The following RASAL2 variants were observed in gnomAD, a reference collection of about 807,000 sequenced individuals.
The protein encoded by RASAL2 is ras GTPase-activating protein nGAP.
RASAL2 carries 58 observed loss-of-function variants against 128.9 expected under a neutral mutation model. The observed-to-expected ratio is 0.45, with a 90% CI of 0.36 to 0.56. RASAL2 has a LOEUF of 0.56. RASAL2 is among the 20% of genes least tolerant of loss of function. The pLI is 0.00. For synonymous variants in RASAL2, 561 were observed against 580.8 expected, an observed-to-expected ratio of 0.97 and a Z score of 0.49; for missense variants, 1,360 against 1,601.6, an observed-to-expected ratio of 0.85 and a Z score of 2.57.
intron 4 of RASAL2, chr1:178,411,895 A>C: frequency 1.4e-6 from 1 of 696,530 alleles, no homozygotes; most frequent in South Asian, 1.6e-5. Flanking sequence ...ACCTGGGGCC[A>C]GTCGGCCTTC....
At chr1:178,184,931 T>C (rs906817262) in intron 1 of RASAL2, among the ~76,000 whole-genome samples, 12 of 152,076 alleles carry the variant, frequency 7.9e-5, no homozygotes, top group Admixed American at 5.9e-4. Context: ...AATTGAGTCT[T>C]CCAATCCATG....
chr1:178,352,736 C>T (rs978687509), intron 3 of RASAL2, among the ~76,000 whole-genome samples: 5 of 152,258 alleles, frequency 3.3e-5, no homozygotes, highest in African/African-American at 1.2e-4. Flanking sequence ...TCTGTCTGGA[C>T]ATCCAGGCTT....
At chr1:178,175,838 T>G (rs11800119) in intron 1 of RASAL2, among the ~76,000 whole-genome samples, 36,679 of 152,002 alleles carry the variant, frequency 0.24, 5,292 homozygotes, top group African/African-American at 0.41. Flanking sequence ...TTAAAATAAT[T>G]TTCTCCAGTT....
intron 1 of RASAL2, among the ~76,000 whole-genome samples, chr1:178,131,250 A>G (rs1183237625): frequency 1.3e-5 from 2 of 151,938 alleles, no homozygotes; most frequent in African/African-American, 4.8e-5. Flanking sequence ...TCTGTGGCCC[A>G]GACTGGACTG....
In RASAL2 at chr1:178,371,335, CACACACACACACACACAAAT is replaced by C. The variant is rs1265172506; in HGVS notation, c.458-18747_458-18728del. Among the ~76,000 whole-genome samples the C allele has an allele frequency of 5.0e-5, 7 of 140,210 alleles. No individual in the cohort carries two copies. In the South Asian group the frequency reaches 1.4e-3, roughly 27 times the overall value. 92.0% of individuals were successfully genotyped at this position (140,210 alleles called of 152,430 possible). On this transcript the variant is annotated intron_variant, in intron 3 of 17. Coordinates refer to ENST00000367649, the MANE Select transcript of RASAL2 (RefSeq NM_170692.4). ...CAGCCTTCTTTCCCACACACACACACACACACACACACACACAAATACACACACACACACACACACACTTC... is the reference window on the plus strand; with the variant it reads ...CAGCCTTCTTTCCCACACACACACACACACACACACACACACACACACTTC...
At chr1:178,372,002 T>C (rs1273351682) in intron 3 of RASAL2, among the ~76,000 whole-genome samples, 1 of 152,160 alleles carries the variant, frequency 6.6e-6, no homozygotes, top group Non-Finnish European at 1.5e-5. Context: ...ATCTCCCTTC[T>C]CTTCTCTTAT....
chr1:178,252,716 G>A (rs926213753), intron 1 of RASAL2, among the ~76,000 whole-genome samples: 2 of 152,122 alleles, frequency 1.3e-5, no homozygotes, highest in African/African-American at 4.8e-5. Flanking sequence ...AGTTAGAAAA[G>A]GGTCTGATGC....
chr1:178,337,888 C>T (rs754818167), intron 3 of RASAL2, among the ~76,000 whole-genome samples: 18 of 151,950 alleles, frequency 1.2e-4, no homozygotes, highest in Non-Finnish European at 1.6e-4. Context: ...CCTGCCACCA[C>T]GCCTGGCTAA....
intron 3 of RASAL2, among the ~76,000 whole-genome samples, chr1:178,365,121 A>G (rs747934259): frequency 8.6e-5 from 13 of 151,808 alleles, no homozygotes; most frequent in African/African-American, 3.2e-4. Flanking sequence ...AGCAACTTCT[A>G]TGTATATATT....
intron 3 of RASAL2, among the ~76,000 whole-genome samples, chr1:178,305,439 A>G (rs889848363): frequency 1.3e-5 from 2 of 152,216 alleles, no homozygotes; most frequent in Admixed American, 1.3e-4. Context: ...CGGCACAGGC[A>G]GAAAAACAGA....
intron 1 of RASAL2, among the ~76,000 whole-genome samples, chr1:178,260,656 A>G (rs1224301046): frequency 6.6e-6 from 1 of 151,738 alleles, no homozygotes; most frequent in East Asian, 1.9e-4. Flanking sequence ...CAAACTCTAT[A>G]TCCTAAATAA....
At position 178,396,803 on chromosome 1, in the gene RASAL2, T is replaced by C. The variant is rs141688276; in HGVS notation, c.564+6597T>C. 4.1e-4 allele frequency among the ~76,000 whole-genome samples: 62 copies of C among 150,968 alleles called. No individual in the cohort carries two copies. In the East Asian group the frequency reaches 0.01, roughly 25 times the overall value. On this transcript the variant is annotated intron_variant, in intron 4 of 17. Coordinates refer to ENST00000367649, the MANE Select transcript of RASAL2 (RefSeq NM_170692.4). ...GATTATAATATCAATACAAAATTTT[T>C]TGTCAGATTGTTGAGTGGCTGGTAA...
chr1:178,249,808 C>A (rs915459059), intron 1 of RASAL2, among the ~76,000 whole-genome samples: 1 of 151,700 alleles, frequency 6.6e-6, no homozygotes, highest in African/African-American at 2.4e-5. Context: ...GTTAGTGTTT[C>A]TTCTAACAGG....
chr1:178,112,101 T>G (rs538140561), intron 1 of RASAL2, among the ~76,000 whole-genome samples: 1 of 152,244 alleles, frequency 6.6e-6, no homozygotes, highest in Admixed American at 6.5e-5. Context: ...GATATGTCCT[T>G]TGTCAGATAT....
chr1:178,199,957 C>CT (rs1662805386), intron 1 of RASAL2, among the ~76,000 whole-genome samples: 1 of 152,212 alleles, frequency 6.6e-6, no homozygotes, highest in Non-Finnish European at 1.5e-5. Flanking sequence ...CGGCCTACAT[C>CT]TTTCTCCCAT....
intron 3 of RASAL2, among the ~76,000 whole-genome samples, chr1:178,351,614 A>G (rs1670507977): frequency 6.6e-6 from 1 of 152,038 alleles, no homozygotes; most frequent in African/African-American, 2.4e-5. Context: ...CTGTAGTCCC[A>G]GCTACTTGGG....
intron 3 of RASAL2, among the ~76,000 whole-genome samples, chr1:178,339,722 A>G (rs1197956325): frequency 1.3e-5 from 2 of 152,124 alleles, no homozygotes; most frequent in Non-Finnish European, 2.9e-5. Flanking sequence ...CCCCTGTATA[A>G]AGAGTTGGGT....
At chr1:178,353,386 G>A (rs1216830135) in intron 3 of RASAL2, among the ~76,000 whole-genome samples, 1 of 152,176 alleles carries the variant, frequency 6.6e-6, no homozygotes, top group Admixed American at 6.5e-5. Context: ...GGGGCAGAAG[G>A]CCACCAGGTT....
chr1:178,470,796 A>G (rs1202974815), intron 17 of RASAL2: 13 of 1,210,366 alleles, frequency 1.1e-5, no homozygotes, highest in Non-Finnish European at 1.5e-5. Context: ...CCTCCTACAC[A>G]TTCCAGCTCC....
Sources: gnomAD v4.1 joint callset for allele counts (sites outside exome capture counted in the v4.1 genomes callset) on GRCh38, gnomAD v4.1.1 for gene constraint, MANE v1.5 for transcripts, NCBI Gene and HGNC (gene_info 2026-07-23, HGNC 2026-07-21) for gene names.